Variants in TMEM131 observed in about 807,000 individuals in gnomAD.
TMEM131 encodes the protein 2610524E03Rik.
Under a neutral mutation model 211.6 loss-of-function variants are expected in TMEM131, and 66 were observed. That is an observed-to-expected ratio of 0.31 (90% CI 0.26 to 0.38). TMEM131 has a LOEUF of 0.38. Among genes scored for constraint, TMEM131 ranks in the 10% least tolerant of loss-of-function variants. The pLI is 1.00. For missense variants in TMEM131, 2,036 were observed against 2,299.3 expected, an observed-to-expected ratio of 0.89 and a Z score of 2.34; for synonymous variants, 844 against 841.3, an observed-to-expected ratio of 1.00 and a Z score of -0.06.
chr2:97,877,513 G>T (rs1320719169), intron 4 of TMEM131, among the ~76,000 whole-genome samples: 1 of 152,072 alleles, frequency 6.6e-6, no homozygotes, highest in South Asian at 2.1e-4. Flanking sequence ...CAGATATATA[G>T]ACCAACGGAA....
intron 4 of TMEM131, among the ~76,000 whole-genome samples, chr2:97,860,337 G>A (rs1559406962): frequency 1.3e-5 from 2 of 151,846 alleles, no homozygotes; most frequent in Admixed American, 6.6e-5. Context: ...CCTGCCCTGT[G>A]TTTTTTTTCC....
chr2:97,864,547 A>G (rs895979719), intron 4 of TMEM131, among the ~76,000 whole-genome samples: 1 of 152,228 alleles, frequency 6.6e-6, no homozygotes, highest in African/African-American at 2.4e-5. Context: ...TTTAAAAAAA[A>G]GCAACAAATT....
intron 2 of TMEM131, among the ~76,000 whole-genome samples, chr2:97,916,726 TA>T (rs1281993937): frequency 6.6e-6 from 1 of 152,224 alleles, no homozygotes; most frequent in Non-Finnish European, 1.5e-5. Context: ...GCAGAGCGGT[TA>T]AAAACTTAGG....
intron 11 of TMEM131, among the ~76,000 whole-genome samples, chr2:97,833,148 A>G (rs1166022021): frequency 6.6e-6 from 1 of 152,212 alleles, no homozygotes; most frequent in Non-Finnish European, 1.5e-5. Flanking sequence ...ACTTTGGTTC[A>G]AACTTACTTT....
intron 11 of TMEM131, among the ~76,000 whole-genome samples, chr2:97,830,145 A>AC (rs1393642727): frequency 1.3e-5 from 2 of 150,430 alleles, no homozygotes; most frequent in Non-Finnish European, 3.0e-5. Flanking sequence ...AAAAAAAAAA[A>AC]AAAAAAAAAA....
At chr2:97,925,347 T>C (rs565289309) in intron 2 of TMEM131, among the ~76,000 whole-genome samples, 2 of 152,206 alleles carry the variant, frequency 1.3e-5, no homozygotes, top group Non-Finnish European at 2.9e-5. Context: ...TTGAGATACC[T>C]GACCAGGGCA....
At chr2:97,759,556 CTGCTG>C (rs1319357898) in intron 39 of TMEM131, 91 bp downstream of exon 39, 1 of 1,072,828 alleles carries the variant, frequency 9.3e-7, no homozygotes, top group Non-Finnish European at 1.4e-6. Context: ...TTCCACAGTG[CTGCTG>C]TGCTGTGTTC....
chr2:97,808,090 T>C lies in TMEM131; in HGVS notation c.2055+1598A>G, dbSNP rs1464228864. Among the ~76,000 whole-genome samples, 4 of 152,314 alleles carry C rather than the reference T, an allele frequency of 2.6e-5. No homozygotes were observed. In the South Asian group the frequency reaches 6.2e-4, roughly 24 times the overall value. On this transcript the variant is annotated intron_variant, in intron 19 of 40. Transcript: ENST00000186436. ...TGGGGACAGAACCCAAGTCTAAACATGAAATTCATTTATGTTTCATATACA... is the reference window on the plus strand; with the variant it reads ...TGGGGACAGAACCCAAGTCTAAACACGAAATTCATTTATGTTTCATATACA...
intron 20 of TMEM131, 24 bp from the exon 21 acceptor site, chr2:97,805,475 A>G: frequency 1.2e-6 from 2 of 1,613,866 alleles, no homozygotes; most frequent in Non-Finnish European, 1.7e-6. Context: ...CAGGAGAACC[A>G]TGAATCCCAA....
intron 29 of TMEM131, among the ~76,000 whole-genome samples, chr2:97,794,255 T>C (rs1315584131): frequency 5.9e-5 from 9 of 151,902 alleles, no homozygotes; most frequent in Non-Finnish European, 1.3e-4. Flanking sequence ...AGGCTGGTCT[T>C]GAATTCCTGA....
intron 32 of TMEM131, 23 bp downstream of exon 32, chr2:97,775,820 T>C (rs1679693568): frequency 6.3e-7 from 1 of 1,598,544 alleles, no homozygotes; most frequent in Non-Finnish European, 8.5e-7. Context: ...CCTCGTGTTT[T>C]GTTGTGTGAG....
At chr2:97,795,834 C>A (rs1405853919) in intron 28 of TMEM131, among the ~76,000 whole-genome samples, 2 of 152,088 alleles carry the variant, frequency 1.3e-5, no homozygotes, top group Non-Finnish European at 2.9e-5. Context: ...CCGTATACTG[C>A]AAAACGTGAA....
In TMEM131 at chr2:97,833,360, C is replaced by A; in HGVS notation, c.1074+5G>T. On this transcript the variant is annotated splice_donor_5th_base_variant and intron_variant, in intron 11 of 40. Coordinates refer to ENST00000186436, the MANE Select transcript of TMEM131 (RefSeq NM_015348.2). ...AATTAGGGGAAAAAAGAAGTAAAAA[C>A]TTACTGTTATTGGTACATCTTTTGT... 2 of 1,230,262 alleles carry A rather than the reference C, an allele frequency of 1.6e-6. No individual in the cohort carries two copies. Among genetic ancestry groups the A allele is most frequent in the Non-Finnish European group, 2.3e-6 (2 of 868,904 alleles). 76.2% of individuals were successfully genotyped at this position (1,230,262 alleles called of 1,614,324 possible).
chr2:97,812,846 C>T, intron 15 of TMEM131, 97 bp from the exon 16 acceptor site: 1 of 664,158 alleles, frequency 1.5e-6, no homozygotes, highest in Non-Finnish European at 2.4e-6. Flanking sequence ...ATTAAAGTTC[C>T]CCCCAAAATT....
rs536938702 is a variant in TMEM131, at chr2:97,895,965, C to T, written c.291-7845G>A. 5.8e-4 allele frequency among the ~76,000 whole-genome samples: 88 copies of T among 152,196 alleles called. 1 individual carries two copies. In the South Asian group the frequency reaches 0.018, roughly 31 times the overall value. Reference sequence around the variant, plus strand: ...TCTTTTAATTTTGATGTTATGGTGTCGATTCTAGATCTTTCCTGCTTTCTC... The same window carrying T: ...TCTTTTAATTTTGATGTTATGGTGTTGATTCTAGATCTTTCCTGCTTTCTC... On this transcript the variant is annotated intron_variant, in intron 3 of 40. Coordinates refer to ENST00000186436, the MANE Select transcript of TMEM131 (RefSeq NM_015348.2).
At chr2:97,885,999 G>T (rs1256120798) in intron 4 of TMEM131, among the ~76,000 whole-genome samples, 1 of 151,816 alleles carries the variant, frequency 6.6e-6, no homozygotes, top group African/African-American at 2.4e-5. Context: ...CATTTCAAAA[G>T]ATCTGTCTTC....
intron 5 of TMEM131, among the ~76,000 whole-genome samples, chr2:97,851,455 A>G (rs1161656766): frequency 6.6e-6 from 1 of 152,222 alleles, no homozygotes; most frequent in Non-Finnish European, 1.5e-5. Flanking sequence ...CAAAACATAC[A>G]GCATATCTCA....
intron 32 of TMEM131, among the ~76,000 whole-genome samples, chr2:97,774,844 G>A (rs1167072363): frequency 6.6e-6 from 1 of 152,228 alleles, no homozygotes; most frequent in Non-Finnish European, 1.5e-5. Context: ...ATAAACTACA[G>A]AGCTCCAGAA....
chr2:97,944,455 C>T (rs557760178), intron 1 of TMEM131, among the ~76,000 whole-genome samples: 1 of 152,226 alleles, frequency 6.6e-6, no homozygotes, highest in Admixed American at 6.5e-5. Context: ...GCAAAGACAA[C>T]ACAGATAAAT....
Sources: allele counts gnomAD v4.1 joint callset (sites outside exome capture counted in the v4.1 genomes callset), GRCh38; gene constraint gnomAD v4.1.1; transcripts MANE v1.5; gene names NCBI Gene and HGNC (gene_info 2026-07-23, HGNC 2026-07-21).